SLC25A46: variants seen among roughly 807,000 people sequenced by gnomAD.
SLC25A46 encodes the protein mitochondrial outer membrane protein SLC25A46.
In SLC25A46, 39 loss-of-function variants were observed where a neutral mutation model predicts 44.6. The ratio of observed to expected loss-of-function variants is 0.87; its 90% CI spans 0.68 to 1.14. The LOEUF (loss-of-function observed/expected upper bound fraction) is 1.14. Among genes scored for constraint, SLC25A46 ranks in the 50% most tolerant of loss-of-function variants. The pLI is 0.00. For synonymous variants in SLC25A46, 202 were observed against 185.8 expected (o/e 1.09, Z -0.71); for missense variants, 547 against 522.7 (o/e 1.05, Z -0.45).
intron 4 of SLC25A46, 84 bp from the exon 5 acceptor site, chr5:110,748,079 C>A: frequency 1.2e-6 from 1 of 860,160 alleles, no homozygotes; most frequent in Non-Finnish European, 1.9e-6. Flanking sequence ...TGGAAAATGT[C>A]TACACAATAT....
At chr5:110,751,227 C>T (rs1799962483) in intron 5 of SLC25A46, among the ~76,000 whole-genome samples, 2 of 152,134 alleles carry the variant, frequency 1.3e-5, no homozygotes, top group Admixed American at 1.3e-4. Flanking sequence ...TGCCAGGAAG[C>T]TCAGAATCTA....
chr5:110,762,792 C>A lies in SLC25A46; in HGVS notation c.*1010C>A, dbSNP rs1228841378. On this transcript the variant is annotated 3_prime_UTR_variant, in exon 8 of 8. Coordinates refer to ENST00000355943, the MANE Select transcript of SLC25A46 (RefSeq NM_138773.4). ...TTAAAATTCATCTGGGAATTTGTGC[C>A]TCTTGTCTAGTATATAGTCACCACT... 6.6e-6 allele frequency: 1 copy of A among 151,846 alleles called. No individual in the cohort carries two copies. Among genetic ancestry groups the A allele is most frequent in the Non-Finnish European group, 1.5e-5 (1 of 67,890 alleles). The allele number at this position is 151,846 out of a possible 1,614,324, so 9.4% of individuals were successfully genotyped here. A position where few individuals can be genotyped will look rare whatever the true frequency, so the allele number is the denominator to read the frequency against.
chr5:110,740,846 G>A (rs1463630470), intron 1 of SLC25A46, among the ~76,000 whole-genome samples: 1 of 152,180 alleles, frequency 6.6e-6, no homozygotes, highest in East Asian at 1.9e-4. Flanking sequence ...CAGCTACTCG[G>A]GAGGCTGAGG....
intron 7 of SLC25A46, among the ~76,000 whole-genome samples, chr5:110,758,793 A>AAAAG (rs966903317): frequency 1.3e-5 from 2 of 152,052 alleles, no homozygotes; most frequent in Admixed American, 6.5e-5. Context: ...AAAAAAATAA[A>AAAAG]AAAGAAAGAA....
chr5:110,760,091 C>T lies in SLC25A46; in HGVS notation c.679-1113C>T, dbSNP rs185072765. On this transcript the variant is annotated intron_variant, in intron 7 of 7. Coordinates refer to ENST00000355943, the MANE Select transcript of SLC25A46 (RefSeq NM_138773.4). ...TTAATTTACTTAACATTTCTGAACT[C>T]TTGATCTTCACCAAATTGCTACTCT... is the stretch of plus-strand genomic sequence containing the variant. Among the ~76,000 whole-genome samples, 17 of 152,196 alleles carry T rather than the reference C, an allele frequency of 1.1e-4. No homozygotes were observed. In the East Asian group the frequency reaches 2.9e-3, roughly 26 times the overall value.
At position 110,745,520 on chromosome 5, in the gene SLC25A46, TG is replaced by T. The variant is rs1351035439; in HGVS notation, c.385-746del. ...CGCCCGCCTCAGCCTCCCAAAGTGG[TG>T]GGATTACAGGTGTGAGCCACTGCGC... On this transcript the variant is annotated intron_variant, in intron 3 of 7. Coordinates refer to ENST00000355943, the MANE Select transcript of SLC25A46 (RefSeq NM_138773.4). 2.0e-5 allele frequency: 3 copies of T among 152,392 alleles called. 1 individual carries two copies. Among genetic ancestry groups the T allele is most frequent in the Non-Finnish European group, 4.4e-5 (3 of 68,222 alleles). The allele number at this position is 152,392 out of a possible 1,614,324, so 9.4% of individuals were successfully genotyped here.
At chr5:110,755,562 T>A in intron 6 of SLC25A46, 41 bp downstream of exon 6, 1 of 1,239,880 alleles carries the variant, frequency 8.1e-7, no homozygotes, top group Non-Finnish European at 1.2e-6. Flanking sequence ...GCATTTTCAC[T>A]AATTTTTATA....
intron 5 of SLC25A46, among the ~76,000 whole-genome samples, chr5:110,751,950 CT>C (rs1799977007): frequency 6.6e-6 from 1 of 152,030 alleles, no homozygotes; most frequent in Non-Finnish European, 1.5e-5. Context: ...CAGATTTGAC[CT>C]TTCCTATTAA....
At chr5:110,753,759 T>G (rs147767756) in intron 5 of SLC25A46, 144 of 152,196 alleles carry the variant, frequency 9.5e-4, no homozygotes, top group African/African-American at 3.4e-3. Flanking sequence ...GAATTGGCAG[T>G]AGTCATCAAA....
chr5:110,743,818 A>G (rs746664290), intron 3 of SLC25A46, 31 bp downstream of exon 3: 2 of 1,554,428 alleles, frequency 1.3e-6, no homozygotes, highest in African/African-American at 2.7e-5. Flanking sequence ...CTTTTGAAGC[A>G]ATACTTCTGA....
rs1448628824 is a variant in SLC25A46, at chr5:110,764,964, T to C, written c.*3182T>C. 6.6e-6 allele frequency: 1 copy of C among 151,912 alleles called. No homozygotes were observed. The highest frequency in any genetic ancestry group is 1.5e-5 in the Non-Finnish European group (1 of 67,908). 9.4% of individuals were successfully genotyped at this position (151,912 alleles called of 1,614,324 possible). A position where few individuals can be genotyped will look rare whatever the true frequency, so the allele number is the denominator to read the frequency against. On this transcript the variant is annotated 3_prime_UTR_variant, in exon 8 of 8. Coordinates refer to ENST00000355943, the MANE Select transcript of SLC25A46 (RefSeq NM_138773.4). The stretch of plus-strand genomic sequence containing the variant: ...CATAATGTCTTACTCTTGAGTCATT[T>C]AGTATCATTGATATGGTACCAAGTT...
At chr5:110,738,900 G>A (rs998057772), upstream of SLC25A46, 19 of 1,257,634 alleles carry the variant, frequency 1.5e-5, 1 homozygote, top group South Asian at 1.9e-4. Flanking sequence ...TAAGGTCCAG[G>A]TTACCGCCGC....
Position 110,749,491 on chromosome 5 carries a change from C to T in SLC25A46, c.563+1228C>T, listed in dbSNP as rs1378390227. On this transcript the variant is annotated intron_variant, in intron 5 of 7. Coordinates refer to ENST00000355943, the MANE Select transcript of SLC25A46 (RefSeq NM_138773.4). Reference sequence around the variant, plus strand: ...CAGAATCCTAGGCATACATGTGTGCCGTGTGTGTGTGGGAGCGGTGGGAAG... The same window carrying T: ...CAGAATCCTAGGCATACATGTGTGCTGTGTGTGTGTGGGAGCGGTGGGAAG... Among the ~76,000 whole-genome samples the T allele has an allele frequency of 3.2e-5, 4 of 125,698 alleles. No individual in the cohort carries two copies. In the Admixed American group the frequency reaches 3.6e-4, roughly 11 times the overall value. The allele number at this position is 125,698 out of a possible 152,430, so 82.5% of individuals were successfully genotyped here.
At chr5:110,739,453 C>T in intron 1 of SLC25A46, 51 bp downstream of exon 1, 1 of 1,497,570 alleles carries the variant, frequency 6.7e-7, no homozygotes, top group Non-Finnish European at 8.8e-7. Context: ...GGGGCCGCGG[C>T]TTGCGGCCTG....
Position 110,764,776 on chromosome 5 carries a change from A to G in SLC25A46, c.*2994A>G, listed in dbSNP as rs1009360823. 4 of 151,962 alleles carry G rather than the reference A, an allele frequency of 2.6e-5. No individual in the cohort carries two copies. The East Asian group carries it at 7.7e-4, about 29-fold the overall frequency. 9.4% of individuals were successfully genotyped at this position (151,962 alleles called of 1,614,324 possible). On this transcript the variant is annotated 3_prime_UTR_variant, in exon 8 of 8. Transcript: ENST00000355943. ...GAAAAGCATACTTTGTCAGCTTCTA[A>G]TAAGATAGCCAGGTTTGAATTATTT...
intron 5 of SLC25A46, among the ~76,000 whole-genome samples, chr5:110,748,745 G>C (rs1158151125): frequency 6.6e-6 from 1 of 152,130 alleles, no homozygotes; most frequent in Non-Finnish European, 1.5e-5. Flanking sequence ...GCAAGAAGAG[G>C]TAACATGTCC....
chr5:110,757,305 T>C (rs947914180), intron 7 of SLC25A46, among the ~76,000 whole-genome samples: 2 of 152,148 alleles, frequency 1.3e-5, no homozygotes, highest in African/African-American at 4.8e-5. Context: ...TGTGTTACTA[T>C]TCCTAACCAC....
At chr5:110,740,695 T>TA (rs1438112022) in intron 1 of SLC25A46, among the ~76,000 whole-genome samples, 3 of 152,202 alleles carry the variant, frequency 2.0e-5, no homozygotes, top group Non-Finnish European at 4.4e-5. Context: ...CTCACGCCTG[T>TA]AATCCTAGCA....
intron 5 of SLC25A46, chr5:110,753,559 G>T (rs1800026093): frequency 6.6e-6 from 1 of 151,838 alleles, no homozygotes; most frequent in Non-Finnish European, 1.5e-5. Context: ...TTACATGTTT[G>T]GTATTTGATA....
Sources: gnomAD v4.1 joint callset for allele counts (sites outside exome capture counted in the v4.1 genomes callset) on GRCh38, gnomAD v4.1.1 for gene constraint, MANE v1.5 for transcripts, NCBI Gene and HGNC (gene_info 2026-07-23, HGNC 2026-07-21) for gene names.